Variants in CPNE8 observed in about 807,000 individuals in gnomAD.
The protein encoded by CPNE8 is copine-8.
CPNE8 carries 45 observed loss-of-function variants against 81.5 expected under a neutral mutation model. That is an observed-to-expected ratio of 0.55 (90% CI 0.44 to 0.71). CPNE8 has a LOEUF of 0.71. Ranked by LOEUF, CPNE8 falls within the 30% of genes least tolerant of loss-of-function variation. The pLI, the probability that CPNE8 is intolerant of heterozygous loss-of-function variation, is 0.00. For missense variants in CPNE8, 594 were observed against 672.1 expected, an observed-to-expected ratio of 0.88 and a Z score of 1.28; for synonymous variants, 252 against 226.3, an observed-to-expected ratio of 1.11 and a Z score of -1.02.
At chr12:38,858,258 T>C (rs1167714246) in intron 3 of CPNE8, among the ~76,000 whole-genome samples, 1 of 152,224 alleles carries the variant, frequency 6.6e-6, no homozygotes, top group African/African-American at 2.4e-5. Context: ...GCCAATTACC[T>C]AACATAGATG....
At chr12:38,874,724 A>C (rs1378291517) in intron 1 of CPNE8, among the ~76,000 whole-genome samples, 1 of 152,140 alleles carries the variant, frequency 6.6e-6, no homozygotes, top group Non-Finnish European at 1.5e-5. Context: ...AAATAAGAGA[A>C]AGCTTTTATT....
chr12:38,755,607 A>G (rs1032328387), intron 10 of CPNE8, among the ~76,000 whole-genome samples: 63 of 152,336 alleles, frequency 4.1e-4, no homozygotes, highest in Non-Finnish European at 7.9e-4. Flanking sequence ...AGAAAAAAAA[A>G]GAAATAGTGA....
intron 3 of CPNE8, among the ~76,000 whole-genome samples, chr12:38,857,735 C>A (rs913048604): frequency 6.6e-6 from 1 of 151,908 alleles, no homozygotes; most frequent in South Asian, 2.1e-4. Flanking sequence ...ACATGGCGAA[C>A]CCCCAAAAAA....
At chr12:38,795,839 T>A (rs1028054787) in intron 6 of CPNE8, among the ~76,000 whole-genome samples, 18 of 136,114 alleles carry the variant, frequency 1.3e-4, no homozygotes, top group Non-Finnish European at 2.6e-4. Context: ...ACACTTAAAA[T>A]GGTAAATATG....
chr12:38,819,454 C>T (rs897302092), intron 6 of CPNE8, among the ~76,000 whole-genome samples: 3 of 152,048 alleles, frequency 2.0e-5, no homozygotes, highest in Admixed American at 2.0e-4. Flanking sequence ...TAACTAACAT[C>T]CACCTGAGAA....
chr12:38,864,192 C>T (rs73274747), intron 3 of CPNE8, among the ~76,000 whole-genome samples: 2,158 of 152,148 alleles, frequency 0.014, 49 homozygotes, highest in African/African-American at 0.047. Context: ...TTCTGTTGAG[C>T]TGTGTAATGC....
At chr12:38,675,693 T>G (rs1161476848) in intron 18 of CPNE8, 24 bp downstream of exon 18, 1 of 1,424,388 alleles carries the variant, frequency 7.0e-7, no homozygotes, top group Non-Finnish European at 9.9e-7. Flanking sequence ...TCCCAAGGAA[T>G]ATTATTGAAA....
chr12:38,787,237 T>C (rs1014199653), intron 6 of CPNE8, among the ~76,000 whole-genome samples: 3 of 151,826 alleles, frequency 2.0e-5, no homozygotes, highest in Non-Finnish European at 2.9e-5. Flanking sequence ...ATTCAAAAAA[T>C]TGAAATAATA....
intron 1 of CPNE8, among the ~76,000 whole-genome samples, chr12:38,880,390 G>A (rs1214613382): frequency 1.3e-5 from 2 of 152,174 alleles, no homozygotes; most frequent in African/African-American, 4.8e-5. Context: ...AAGAGTTTTA[G>A]TCTCCAATCT....
At chr12:38,705,365 A>G (rs1940078581) in intron 13 of CPNE8, among the ~76,000 whole-genome samples, 1 of 152,142 alleles carries the variant, frequency 6.6e-6, no homozygotes, top group African/African-American at 2.4e-5. Flanking sequence ...CCTAAATACA[A>G]TGCAGGGATT....
At chr12:38,676,114 T>TAA (rs11418735) in intron 17 of CPNE8, 17,829 of 268,378 alleles carry the variant, frequency 0.066, 4 homozygotes, top group Non-Finnish European at 0.088. Flanking sequence ...AGAGCCTGTC[T>TAA]AAAAAAAAAA....
chr12:38,857,441 A>C (rs1386663490), intron 3 of CPNE8, among the ~76,000 whole-genome samples: 1 of 152,204 alleles, frequency 6.6e-6, no homozygotes, highest in Non-Finnish European at 1.5e-5. Flanking sequence ...GCAAAGTACA[A>C]CTAAAAACAC....
At position 38,702,895 on chromosome 12, in the gene CPNE8, A is replaced by C; in HGVS notation, c.941T>G (p.Ile314Ser). The change falls in exon 14 of 20, where the codon ATT becomes AGT. Residue 314 changes from isoleucine to serine, a missense_variant. Physicochemically the swap from Ile to Ser is moderately radical, Grantham distance 142. Transcript: ENST00000331366. The stretch of plus-strand genomic sequence containing the variant: ...CTCACCGTTTGATGCTGTAAAATCA[A>C]TAGCCACTGTGAAATTGATTTGCGT... ...GGTQINFTVA[I>S]DFTASNGNPA... 1 of 1,571,404 alleles carries C rather than the reference A, an allele frequency of 6.4e-7. No homozygotes were observed. The highest frequency in any genetic ancestry group is 8.6e-7 in the Non-Finnish European group (1 of 1,156,358).
chr12:38,764,616 CAAAAAAA>C (rs1247038606), intron 8 of CPNE8, among the ~76,000 whole-genome samples: 12 of 45,104 alleles, frequency 2.7e-4, no homozygotes, highest in Non-Finnish European at 3.5e-4. Flanking sequence ...GACTCCGTCT[CAAAAAAA>C]AAAAAAAAAA....
At chr12:38,658,990 A>G (rs1222660886) in intron 19 of CPNE8, among the ~76,000 whole-genome samples, 1 of 152,206 alleles carries the variant, frequency 6.6e-6, no homozygotes, top group Non-Finnish European at 1.5e-5. Flanking sequence ...AACTGCATCA[A>G]TTAATGGGCA....
chr12:38,785,349 T>A (rs1592086125), intron 6 of CPNE8, among the ~76,000 whole-genome samples: 1 of 151,034 alleles, frequency 6.6e-6, no homozygotes, highest in East Asian at 1.9e-4. Context: ...GACTAAAAAA[T>A]TAACCAATAA....
chr12:38,711,018 T>G (rs939275307), intron 13 of CPNE8, among the ~76,000 whole-genome samples: 7 of 152,328 alleles, frequency 4.6e-5, no homozygotes, highest in African/African-American at 1.4e-4. Flanking sequence ...CAAAGTGTGT[T>G]GTCTACAATA....
intron 15 of CPNE8, among the ~76,000 whole-genome samples, chr12:38,688,598 G>GGTGTGTGTGT (rs56769844): frequency 6.7e-6 from 1 of 148,548 alleles, no homozygotes; most frequent in African/African-American, 2.5e-5. Flanking sequence ...AAGAAAATGT[G>GGTGTGTGTGT]GTGTGTGTGT....
At chr12:38,763,415 G>GA (rs1941613085) in intron 8 of CPNE8, among the ~76,000 whole-genome samples, 1 of 152,102 alleles carries the variant, frequency 6.6e-6, no homozygotes, top group South Asian at 2.1e-4. Flanking sequence ...CATAGATTAG[G>GA]AAAAAAGGAG....
Sources: gnomAD v4.1 joint callset for allele counts (sites outside exome capture counted in the v4.1 genomes callset) on GRCh38, gnomAD v4.1.1 for gene constraint, MANE v1.5 for transcripts, NCBI Gene and HGNC (gene_info 2026-07-23, HGNC 2026-07-21) for gene names.